Variants in ZNF385D observed in about 807,000 individuals in gnomAD.
ZNF385D encodes the protein zinc finger protein 385D.
ZNF385D carries 15 observed loss-of-function variants against 35.8 expected under a neutral mutation model. The observed-to-expected ratio is 0.42, with a 90% confidence interval of 0.28 to 0.64. The LOEUF (loss-of-function observed/expected upper bound fraction) is 0.64, where lower values mean the gene tolerates loss of function less well. Ranked by LOEUF, ZNF385D falls within the 30% of genes least tolerant of loss-of-function variation. ZNF385D has a pLI of 0.23. For synonymous variants in ZNF385D, 212 were observed against 186.8 expected (o/e 1.13, Z -1.10); for missense variants, 474 against 494.6 (o/e 0.96, Z 0.39).
chr3:22,265,146 G>A (rs1401901033), intron 2 of ZNF385D, among the ~76,000 whole-genome samples: 1 of 151,882 alleles, frequency 6.6e-6, no homozygotes, highest in Non-Finnish European at 1.5e-5. Flanking sequence ...AAGAAAACAA[G>A]CATTAAAAAA....
chr3:21,661,686 C>G (rs2066241693), intron 2 of ZNF385D, among the ~76,000 whole-genome samples: 1 of 152,126 alleles, frequency 6.6e-6, no homozygotes, highest in African/African-American at 2.4e-5. Flanking sequence ...ACTAGAACAT[C>G]AAGGGATACA....
chr3:21,455,941 T>G (rs1702779802), intron 4 of ZNF385D, among the ~76,000 whole-genome samples: 1 of 152,142 alleles, frequency 6.6e-6, no homozygotes, highest in Non-Finnish European at 1.5e-5. Flanking sequence ...GAACAGACAC[T>G]TCTCAAAAGA....
intron 4 of ZNF385D, among the ~76,000 whole-genome samples, chr3:21,495,425 GA>G (rs1321488943): frequency 6.6e-6 from 1 of 152,028 alleles, no homozygotes; most frequent in African/African-American, 2.4e-5. Context: ...TAGTTACATG[GA>G]AATTAAACAC....
At position 22,067,076 on chromosome 3, in the gene ZNF385D, T is replaced by C. The variant is rs148802429; in HGVS notation, c.325+101741A>G. ...GGAATTACTCTTTTAATGTTCTTCC[T>C]TTCCAATTTACATTAGTTAGAAGCT... is the stretch of plus-strand genomic sequence containing the variant. On this transcript the variant is annotated intron_variant, in intron 3 of 5. Transcript: ENST00000494108. Among the ~76,000 whole-genome samples the C allele has an allele frequency of 1.5e-3, 229 of 152,314 alleles. 1 individual carries two copies. Among genetic ancestry groups the C allele is most frequent in the African/African-American group, 5.1e-3 (214 of 41,564 alleles).
At chr3:21,917,140 G>T (rs7646871) in intron 3 of ZNF385D, among the ~76,000 whole-genome samples, 81,398 of 152,040 alleles carry the variant, frequency 0.54, 23,843 homozygotes, top group South Asian at 0.66. Flanking sequence ...AAACAAAATC[G>T]TGGAAGTCTG....
chr3:21,977,887 T>C (rs1389915507), intron 3 of ZNF385D, among the ~76,000 whole-genome samples: 1 of 152,028 alleles, frequency 6.6e-6, no homozygotes, highest in Non-Finnish European at 1.5e-5. Flanking sequence ...GCTCTGTACA[T>C]CTTTGGAGAA....
At chr3:22,129,578 G>A (rs1411735475) in intron 3 of ZNF385D, among the ~76,000 whole-genome samples, 12 of 152,220 alleles carry the variant, frequency 7.9e-5, no homozygotes, top group Middle Eastern at 6.8e-3. Flanking sequence ...GTCCTTTCCT[G>A]AAGCAGAATC....
intron 2 of ZNF385D, among the ~76,000 whole-genome samples, chr3:22,233,489 G>C (rs187490636): frequency 6.6e-6 from 1 of 152,090 alleles, no homozygotes; most frequent in Non-Finnish European, 1.5e-5. Flanking sequence ...TGATTGTGGT[G>C]GTAGTCCCAT....
chr3:22,036,182 G>A (rs759508728), intron 3 of ZNF385D, among the ~76,000 whole-genome samples: 2 of 152,138 alleles, frequency 1.3e-5, no homozygotes, highest in Non-Finnish European at 2.9e-5. Flanking sequence ...AGAATCTCAG[G>A]TGAAAGGGAA....
At chr3:21,748,113 C>G (rs2069868944) in intron 1 of ZNF385D, among the ~76,000 whole-genome samples, 1 of 152,098 alleles carries the variant, frequency 6.6e-6, no homozygotes, top group Non-Finnish European at 1.5e-5. Flanking sequence ...TCTGAAATCA[C>G]AGCACAGGAA....
chr3:21,975,374 G>A (rs763585281), intron 3 of ZNF385D, among the ~76,000 whole-genome samples: 1 of 152,076 alleles, frequency 6.6e-6, no homozygotes, highest in Non-Finnish European at 1.5e-5. Context: ...AACTCATGGA[G>A]AGAGAGAGTA....
intron 3 of ZNF385D, among the ~76,000 whole-genome samples, chr3:21,898,043 G>A (rs1699221938): frequency 6.6e-6 from 1 of 152,054 alleles, no homozygotes; most frequent in Non-Finnish European, 1.5e-5. Context: ...ACTAAATCAT[G>A]TGCACTGGGA....
intron 2 of ZNF385D, among the ~76,000 whole-genome samples, chr3:22,312,312 A>C (rs113603499): frequency 6.6e-6 from 1 of 152,164 alleles, no homozygotes; most frequent in African/African-American, 2.4e-5. Flanking sequence ...CCTATTTTGA[A>C]ATCACACCAT....
intron 3 of ZNF385D, among the ~76,000 whole-genome samples, chr3:21,978,596 G>A (rs1038529510): frequency 6.6e-6 from 1 of 152,172 alleles, no homozygotes; most frequent in South Asian, 2.1e-4. Context: ...TTTGTCTCCA[G>A]ACTAGGCCTG....
At chr3:21,658,698 G>T (rs75972830) in intron 2 of ZNF385D, among the ~76,000 whole-genome samples, 1 of 151,722 alleles carries the variant, frequency 6.6e-6, no homozygotes, top group South Asian at 2.1e-4. Flanking sequence ...TATGCATATG[G>T]TATTTATCTC....
chr3:21,424,621 T>G (rs1700924067), intron 6 of ZNF385D, among the ~76,000 whole-genome samples: 1 of 151,110 alleles, frequency 6.6e-6, no homozygotes, highest in African/African-American at 2.4e-5. Context: ...CCTATTTTAG[T>G]GTATTTTTAA....
chr3:22,239,086 A>T (rs1699347506), intron 2 of ZNF385D, among the ~76,000 whole-genome samples: 1 of 151,014 alleles, frequency 6.6e-6, no homozygotes, highest in Non-Finnish European at 1.5e-5. Flanking sequence ...ACTAGAATTC[A>T]ATTCCAAAGC....
chr3:21,751,207 G>A lies in ZNF385D; in HGVS notation c.-291C>T. 1 of 1,335,318 alleles carries A rather than the reference G, an allele frequency of 7.5e-7. No homozygotes were observed. Among genetic ancestry groups the A allele is most frequent in the Non-Finnish European group, 9.6e-7 (1 of 1,038,428 alleles). The allele number at this position is 1,335,318 out of a possible 1,614,324, so 82.7% of individuals were successfully genotyped here. On this transcript the variant is annotated 5_prime_UTR_variant, in exon 1 of 8. Coordinates refer to ENST00000281523, the MANE Select transcript of ZNF385D (RefSeq NM_024697.3). ...GTCCTTGCCGCGCCTGTGACATCAG[G>A]ACTGAGAGTACTACAAGCAGACCCC...
chr3:22,126,037 G>A (rs759607231), intron 3 of ZNF385D, among the ~76,000 whole-genome samples: 1 of 152,006 alleles, frequency 6.6e-6, no homozygotes, highest in Non-Finnish European at 1.5e-5. Flanking sequence ...CAGCATGATA[G>A]TCTCTATGAG....
Sources: gnomAD v4.1 joint callset for allele counts (sites outside exome capture counted in the v4.1 genomes callset) on GRCh38, gnomAD v4.1.1 for gene constraint, MANE v1.5 for transcripts, NCBI Gene and HGNC (gene_info 2026-07-23, HGNC 2026-07-21) for gene names.